CHRNG: variants seen among roughly 807,000 people sequenced by gnomAD.
CHRNG encodes the protein acetylcholine receptor subunit gamma.
CHRNG carries 72 observed loss-of-function variants against 65.2 expected under a neutral mutation model. The ratio of observed to expected loss-of-function variants is 1.10; its 90% CI spans 0.91 to 1.34. CHRNG has a LOEUF of 1.34. Ranked by LOEUF, CHRNG falls within the 40% of genes most tolerant of loss-of-function variation. CHRNG has a pLI of 0.00. For synonymous variants in CHRNG, 284 were observed against 290.2 expected (o/e 0.98, Z 0.22); for missense variants, 637 against 680.1 (o/e 0.94, Z 0.70).
Position 232,548,079 on chromosome 2 carries a change from A to C in CHRNG, c.*2363A>C. On this transcript the variant is annotated 3_prime_UTR_variant, in exon 12 of 12. Transcript: ENST00000651502. The stretch of plus-strand genomic sequence containing the variant: ...ACAATATACATACCTAAATTTAAAA[A>C]TACTTTATTGCTAAAAAATGCTGAT... 1.6e-6 allele frequency: 1 copy of C among 609,734 alleles called. No individual in the cohort carries two copies. The highest frequency in any genetic ancestry group is 2.8e-6 in the Non-Finnish European group (1 of 357,322). 37.8% of individuals were successfully genotyped at this position (609,734 alleles called of 1,614,324 possible).
intron 9 of CHRNG, 29 bp downstream of exon 9, chr2:232,543,728 TC>T: frequency 7.4e-7 from 1 of 1,358,328 alleles, no homozygotes; most frequent in Non-Finnish European, 1.1e-6. Flanking sequence ...CACTTCAACA[TC>T]CCGCTGCCCA....
At chr2:232,542,010 G>T in intron 5 of CHRNG, 1 of 315,178 alleles carries the variant, frequency 3.2e-6, no homozygotes, top group South Asian at 3.5e-5. Context: ...CCCGGGGGAG[G>T]GTTCTCCTGT....
At chr2:232,539,898 G>T (rs1207776276) in intron 1 of CHRNG, 94 bp from the exon 2 acceptor site, 3 of 1,609,812 alleles carry the variant, frequency 1.9e-6, no homozygotes, top group Non-Finnish European at 2.5e-6. Context: ...GCCTGCCCTG[G>T]ACCCAGTTCC....
chr2:232,539,943 G>A lies in CHRNG; in HGVS notation c.56-49G>A, dbSNP rs780117093. 1.4e-5 allele frequency: 23 copies of A among 1,613,204 alleles called. No individual in the cohort carries two copies. The East Asian group carries it at 1.6e-4, about 11-fold the overall frequency. ...CACTTCACACCCCCAGGGCCTCCCC[G>A]CTCTTTCCACCTCCAAGCTCCTGCT... On this transcript the variant is annotated intron_variant, in intron 1 of 11. Transcript: ENST00000651502.
At chr2:232,543,523 A>T in intron 8 of CHRNG, 62 bp from the exon 9 acceptor site, 1 of 1,288,250 alleles carries the variant, frequency 7.8e-7, no homozygotes, top group Non-Finnish European at 1.1e-6. Context: ...GGGGGCAGCC[A>T]CTAAGCGTGG....
At position 232,542,246 on chromosome 2, in the gene CHRNG, G is replaced by A. The variant is rs151004664; in HGVS notation, c.507-177G>A. ...AACTCCATCTTCCTGACCCCAAAGA[G>A]CCCTAGGTCCTCCTGCTCTCCATAT... On this transcript the variant is annotated intron_variant, in intron 5 of 11. Coordinates refer to ENST00000651502, the MANE Select transcript of CHRNG (RefSeq NM_005199.5). 5.9e-5 allele frequency among the ~76,000 whole-genome samples: 9 copies of A among 152,302 alleles called. No individual in the cohort carries two copies. In the East Asian group the frequency reaches 1.7e-3, roughly 29 times the overall value.
At chr2:232,544,622 G>T in intron 10 of CHRNG, 42 bp downstream of exon 10, 2 of 1,575,940 alleles carry the variant, frequency 1.3e-6, no homozygotes, top group Non-Finnish European at 1.7e-6. Flanking sequence ...CCTCCCCTGG[G>T]ACCCCAGCTG....
At position 232,541,348 on chromosome 2, in the gene CHRNG, T is replaced by C; in HGVS notation, c.351-26T>C. ...GTCGGGGGCTGAGCCCACAGCCTCG[T>C]GGCCTGGCCTGTTCTGTGCATACAG... is the stretch of plus-strand genomic sequence containing the variant. On this transcript the variant is annotated intron_variant, in intron 4 of 11. Transcript: ENST00000651502. The surrounding 1 kb of genome is among the most constrained non-coding windows in gnomAD (Gnocchi z 4.0). The C allele has an allele frequency of 6.2e-7, 1 of 1,613,810 alleles. No individual in the cohort carries two copies. The highest frequency in any genetic ancestry group is 8.5e-7 in the Non-Finnish European group (1 of 1,179,888).
At chr2:232,539,823 A>G (rs1312655622) in intron 1 of CHRNG, 21 bp downstream of exon 1, 1 of 1,612,462 alleles carries the variant, frequency 6.2e-7, no homozygotes, top group South Asian at 1.1e-5. Context: ...AAGGAATCTC[A>G]GCCTGGGGAG....
chr2:232,543,481 C>CCCT, intron 8 of CHRNG, 92 bp downstream of exon 8: 2 of 984,920 alleles, frequency 2.0e-6, no homozygotes, highest in Non-Finnish European at 1.4e-6. Context: ...CCTCCATCCA[C>CCCT]CCCCCCCATC....
In CHRNG at chr2:232,543,051, C is replaced by T. The variant is rs777027483; in HGVS notation, c.774C>T (p.Val258=). 4.3e-6 allele frequency: 7 copies of T among 1,614,084 alleles called. No individual in the cohort carries two copies. The African/African-American group carries it at 6.7e-5, about 15-fold the overall frequency. The part of the protein sequence containing the change: ...IIAPCVLISS[V]AILIHFLPAK... Reference sequence around the variant, plus strand: ...CCCCCTGTGTGCTCATCTCCTCTGTCGCCATCCTCATCCACTTCCTTCCTG... The same window carrying T: ...CCCCCTGTGTGCTCATCTCCTCTGTTGCCATCCTCATCCACTTCCTTCCTG... Residue 258 remains valine, a synonymous_variant, in exon 7 of 12, where the codon GTC becomes GTT. Coordinates refer to ENST00000651502, the MANE Select transcript of CHRNG (RefSeq NM_005199.5).
At chr2:232,542,321 G>A in intron 5 of CHRNG, 102 bp from the exon 6 acceptor site, 1 of 771,382 alleles carries the variant, frequency 1.3e-6, no homozygotes, top group Non-Finnish European at 2.3e-6. Flanking sequence ...GCTGCATTTT[G>A]TTGAAGAAAA....
Position 232,540,145 on chromosome 2 carries a change from C to T in CHRNG, c.195+14C>T, listed in dbSNP as rs200640510. The T allele has an allele frequency of 3.3e-3, 5,330 of 1,614,136 alleles. 23 individuals are homozygous for T. The highest frequency in any genetic ancestry group is 0.012 in the Middle Eastern group (72 of 6,062). Reference sequence around the variant, plus strand: ...CTCATCTCCCTGGTAAGCCGCAGGACGGAGGAGGGGTCAGCGCACCACGCC... The same window carrying T: ...CTCATCTCCCTGGTAAGCCGCAGGATGGAGGAGGGGTCAGCGCACCACGCC... On this transcript the variant is annotated intron_variant, in intron 2 of 11. Coordinates refer to ENST00000651502, the MANE Select transcript of CHRNG (RefSeq NM_005199.5). The surrounding 1 kb of genome is among the most constrained non-coding windows in gnomAD (Gnocchi z 4.2).
At chr2:232,543,481 C>CCCCT in intron 8 of CHRNG, 92 bp downstream of exon 8, 1 of 984,920 alleles carries the variant, frequency 1.0e-6, no homozygotes, top group Non-Finnish European at 1.4e-6. Flanking sequence ...CCTCCATCCA[C>CCCCT]CCCCCCCATC....
chr2:232,543,065 ACTTC>A lies in CHRNG; in HGVS notation c.795_798del (p.Ala267ArgfsTer42). 1 of 1,614,016 alleles carries A rather than the reference ACTTC, an allele frequency of 6.2e-7. No individual in the cohort carries two copies. The highest frequency in any genetic ancestry group is 8.5e-7 in the Non-Finnish European group (1 of 1,179,972). On this transcript the variant is annotated frameshift_variant, in exon 7 of 12. Coordinates refer to ENST00000651502, the MANE Select transcript of CHRNG (RefSeq NM_005199.5). LOFTEE classifies it high-confidence loss of function. ...ATCTCCTCTGTCGCCATCCTCATCC[ACTTC>A]CTTCCTGCCAAGGGTACCTGGAGCC...
chr2:232,539,790 G>T lies in CHRNG; in HGVS notation c.43G>T (p.Ala15Ser), dbSNP rs1691975248. 1 of 1,613,866 alleles carries T rather than the reference G, an allele frequency of 6.2e-7. No individual in the cohort carries two copies. Among genetic ancestry groups the T allele is most frequent in the Non-Finnish European group, 8.5e-7 (1 of 1,179,988 alleles). Reference sequence around the variant, plus strand: ...GCCGCTGCTCCTCCTGCTGCTGCTGGCTGTCTGCCTGGGTGGGACACAAAG... The same window carrying T: ...GCCGCTGCTCCTCCTGCTGCTGCTGTCTGTCTGCCTGGGTGGGACACAAAG... ...QGPLLLLLLLAVCLGAQGRNQ... is the reference protein window; with the variant it reads ...QGPLLLLLLLSVCLGAQGRNQ... The change falls in exon 1 of 12, where the codon GCT becomes TCT. Residue 15 changes from alanine to serine, a missense_variant. Physicochemically the swap from Ala to Ser is moderately conservative, Grantham distance 99. Coordinates refer to ENST00000651502, the MANE Select transcript of CHRNG (RefSeq NM_005199.5).
chr2:232,543,879 G>A (rs1381364034), intron 9 of CHRNG, among the ~76,000 whole-genome samples, 180 bp downstream of exon 9: 2 of 152,220 alleles, frequency 1.3e-5, no homozygotes, highest in Admixed American at 6.5e-5. Flanking sequence ...CTAGGTGCCC[G>A]GGATATTACA....
At chr2:232,545,054 T>C (rs1454078022) in intron 11 of CHRNG, 152 bp downstream of exon 11, 2 of 1,013,120 alleles carry the variant, frequency 2.0e-6, no homozygotes, top group Non-Finnish European at 3.0e-6. Context: ...CCCAGTACTT[T>C]GGGAGGCCGA....
chr2:232,542,985 C>T lies in CHRNG; in HGVS notation c.708C>T (p.Leu236=), dbSNP rs1308873617. ...AGHQKVVFYL[L]IQRKPLFYVI... Reference sequence around the variant, plus strand: ...ACCAGAAGGTGGTGTTCTACCTGCTCATCCAGCGCAAGCCCCTCTTCTACG... The same window carrying T: ...ACCAGAAGGTGGTGTTCTACCTGCTTATCCAGCGCAAGCCCCTCTTCTACG... The change falls in exon 7 of 12, where the codon CTC becomes CTT. Residue 236 remains leucine (L), a synonymous_variant. Coordinates refer to ENST00000651502, the MANE Select transcript of CHRNG (RefSeq NM_005199.5). 1.2e-6 allele frequency: 2 copies of T among 1,614,168 alleles called. No individual in the cohort carries two copies. Among genetic ancestry groups the T allele is most frequent in the Admixed American group, 1.7e-5 (1 of 60,036 alleles).
Sources: gnomAD v4.1 joint callset for allele counts (sites outside exome capture counted in the v4.1 genomes callset) on GRCh38, gnomAD v4.1.1 for gene constraint, Gnocchi (gnomAD v3.1) non-coding constraint, MANE v1.5 for transcripts, NCBI Gene and HGNC (gene_info 2026-07-23, HGNC 2026-07-21) for gene names.